Variants in SLC19A2 observed in about 807,000 individuals in gnomAD.
The protein encoded by SLC19A2 is solute carrier family 19 member 2, also known as thiamine transporter 1.
Under a neutral mutation model 44.7 loss-of-function variants are expected in SLC19A2, and 27 were observed. That is an observed-to-expected ratio of 0.60 (90% CI 0.45 to 0.83). SLC19A2 has a LOEUF of 0.83. SLC19A2 is among the 40% of genes least tolerant of loss of function. SLC19A2 has a pLI of 0.00. For missense variants in SLC19A2, 566 were observed against 613.7 expected (o/e 0.92, Z 0.82); for synonymous variants, 239 against 243.6 (o/e 0.98, Z 0.18).
intron 5 of SLC19A2, 77 bp from the exon 6 acceptor site, chr1:169,466,054 G>A: frequency 6.4e-7 from 1 of 1,569,348 alleles, no homozygotes; most frequent in Non-Finnish European, 8.7e-7. Flanking sequence ...TTCAGAATTT[G>A]TCCATAAAGC....
At chr1:169,477,947 C>T (rs1658363646) in intron 1 of SLC19A2, among the ~76,000 whole-genome samples, 190 bp from the exon 2 acceptor site, 1 of 152,150 alleles carries the variant, frequency 6.6e-6, no homozygotes, top group South Asian at 2.1e-4. Flanking sequence ...TTGTTCTGCG[C>T]CCAGGCTGGA....
chr1:169,479,295 C>A (rs1332121095), intron 1 of SLC19A2, among the ~76,000 whole-genome samples: 1 of 152,154 alleles, frequency 6.6e-6, no homozygotes, highest in Non-Finnish European at 1.5e-5. Context: ...ATATAGGCAA[C>A]TTTTATGTCC....
chr1:169,469,937 G>A lies in SLC19A2; in HGVS notation c.1030+27C>T, dbSNP rs757920693. 14 of 1,595,694 alleles carry A rather than the reference G, an allele frequency of 8.8e-6. No homozygotes were observed. The African/African-American group carries it at 9.4e-5, about 11-fold the overall frequency. ...ACCAGAGGAATCCCTCCCCCACCAC[G>A]ACCCTCTATTATCCTGCATTGCTTA... On this transcript the variant is annotated intron_variant, in intron 3 of 5. Transcript: ENST00000236137.
In SLC19A2 at chr1:169,468,108, T is replaced by C. The variant is rs1028353279; in HGVS notation, c.1365+3A>G. The C allele has an allele frequency of 6.2e-7, 1 of 1,613,962 alleles. No homozygotes were observed. Among genetic ancestry groups the C allele is most frequent in the African/African-American group, 1.3e-5 (1 of 75,062 alleles). ...ACCTTCGATGCCAAAGGAGAGATCT[T>C]ACCTGAGTGGTAATTTCTAATCCAA... On this transcript the variant is annotated splice_donor_region_variant and intron_variant, in intron 5 of 5. Transcript: ENST00000236137.
chr1:169,478,203 ATCCTT>A (rs1658371039), intron 1 of SLC19A2, among the ~76,000 whole-genome samples: 1 of 152,076 alleles, frequency 6.6e-6, no homozygotes, highest in Non-Finnish European at 1.5e-5. Context: ...AGCCTGAAAT[ATCCTT>A]TCCTATCCCC....
Position 169,485,699 on chromosome 1 carries a change from G to A in SLC19A2, c.68C>T (p.Ala23Val), listed in dbSNP as rs1283487673. 3 of 1,545,884 alleles carry A rather than the reference G, an allele frequency of 1.9e-6. No homozygotes were observed. The Admixed American group carries it at 5.9e-5, about 30-fold the overall frequency. The change falls in exon 1 of 6, where the codon GCT (alanine) becomes GTT (valine). Residue 23 changes from alanine to valine, a missense_variant. By Grantham distance (64) the Ala-to-Val change is moderately conservative. Coordinates refer to ENST00000236137, the MANE Select transcript of SLC19A2 (RefSeq NM_006996.3). The stretch of plus-strand genomic sequence containing the variant: ...GAACCAGCATTCGCGACGGACCCGA[G>A]CGGTCCGCAGGAGCACAGTGGCCGC... ...AAAATVLLRTARVRRECWFLP... is the reference protein window; with the variant it reads ...AAAATVLLRTVRVRRECWFLP...
chr1:169,469,496 C>T (rs1461508640), intron 3 of SLC19A2, among the ~76,000 whole-genome samples: 1 of 152,060 alleles, frequency 6.6e-6, no homozygotes, highest in Non-Finnish European at 1.5e-5. Flanking sequence ...CCTACCAGTC[C>T]CAAGTTTCCA....
chr1:169,466,274 G>A (rs933105787), intron 5 of SLC19A2, among the ~76,000 whole-genome samples: 60 of 152,130 alleles, frequency 3.9e-4, no homozygotes, highest in African/African-American at 1.4e-3. Flanking sequence ...ACTTTACAGC[G>A]ATGTTGGTAC....
intron 1 of SLC19A2, among the ~76,000 whole-genome samples, chr1:169,480,258 T>C (rs1320178470): frequency 6.6e-6 from 1 of 152,190 alleles, no homozygotes; most frequent in Non-Finnish European, 1.5e-5. Context: ...AGTTGTGTTC[T>C]AATTAACAAC....
At chr1:169,482,185 G>C (rs1557893414) in intron 1 of SLC19A2, among the ~76,000 whole-genome samples, 3 of 145,986 alleles carry the variant, frequency 2.1e-5, no homozygotes, top group Non-Finnish European at 4.5e-5. Flanking sequence ...TGGGCAACAA[G>C]AGCGAAACTC....
rs558610619 is a variant in SLC19A2 at position 169,468,688 on chromosome 1, A to G, written c.1179T>C (p.Tyr393=). The G allele has an allele frequency of 6.2e-7, 1 of 1,613,950 alleles. No homozygotes were observed. The highest frequency in any genetic ancestry group is 1.3e-5 in the African/African-American group (1 of 75,028). ...VGNIWVCYAS[Y]VVFRIIYMLL... ...ACATGTAGATGATTCTGAAGACAAC[A>G]TAGGATGCATAGCACACCCAAATGT... The change falls in exon 4 of 6, where the codon TAT becomes TAC. Residue 393 remains tyrosine (Y), a synonymous_variant. Transcript: ENST00000236137.
At chr1:169,483,052 A>C (rs1244124077) in intron 1 of SLC19A2, among the ~76,000 whole-genome samples, 1 of 152,242 alleles carries the variant, frequency 6.6e-6, no homozygotes, top group Admixed American at 6.5e-5. Context: ...ATTAACATAC[A>C]GTCAAATTTT....
chr1:169,469,412 C>G (rs537247334), intron 3 of SLC19A2, among the ~76,000 whole-genome samples: 2 of 152,278 alleles, frequency 1.3e-5, no homozygotes, highest in South Asian at 4.2e-4. Flanking sequence ...TACACAGGCT[C>G]TGAAGCCATC....
At chr1:169,485,124 T>C (rs1476095526) in intron 1 of SLC19A2, among the ~76,000 whole-genome samples, 1 of 152,046 alleles carries the variant, frequency 6.6e-6, no homozygotes, top group Non-Finnish European at 1.5e-5. Flanking sequence ...GTGAAGGAGG[T>C]AGAGGGAAGA....
chr1:169,478,063 C>A (rs564237909), intron 1 of SLC19A2, among the ~76,000 whole-genome samples: 2 of 152,182 alleles, frequency 1.3e-5, no homozygotes, highest in African/African-American at 4.8e-5. Flanking sequence ...CCCACCATCA[C>A]GCCTGGCTAA....
chr1:169,484,387 A>G (rs1658507316), intron 1 of SLC19A2, among the ~76,000 whole-genome samples: 1 of 152,158 alleles, frequency 6.6e-6, no homozygotes, highest in South Asian at 2.1e-4. Context: ...ACTGACTACT[A>G]CCCACATAGA....
At chr1:169,469,934 C>A in intron 3 of SLC19A2, 30 bp downstream of exon 3, 1 of 1,597,436 alleles carries the variant, frequency 6.3e-7, no homozygotes, top group Non-Finnish European at 8.6e-7. Context: ...CCTCCCCCAC[C>A]ACGACCCTCT....
intron 4 of SLC19A2, 181 bp from the exon 5 acceptor site, chr1:169,468,433 T>C (rs1432236341): frequency 5.7e-6 from 4 of 702,138 alleles, no homozygotes; most frequent in Non-Finnish European, 9.3e-6. Flanking sequence ...CATGCAAACA[T>C]CTGAAAACAG....
At chr1:169,480,119 A>G (rs1323316441) in intron 1 of SLC19A2, among the ~76,000 whole-genome samples, 1 of 152,232 alleles carries the variant, frequency 6.6e-6, no homozygotes, top group Non-Finnish European at 1.5e-5. Context: ...ACGAATAATC[A>G]AGAAATGTAG....
Sources: gnomAD v4.1 joint callset for allele counts (sites outside exome capture counted in the v4.1 genomes callset) on GRCh38, gnomAD v4.1.1 for gene constraint, MANE v1.5 for transcripts, NCBI Gene and HGNC (gene_info 2026-07-23, HGNC 2026-07-21) for gene names.